PAK5: variants seen among roughly 807,000 people sequenced by gnomAD.
PAK5 encodes serine/threonine-protein kinase PAK 5.
A neutral mutation model predicts 65.9 loss-of-function variants in PAK5; 16 were observed. That is an observed-to-expected ratio of 0.24 (90% CI 0.16 to 0.37). The LOEUF is 0.37. PAK5 is among the 10% of genes least tolerant of loss of function. The pLI is 1.00. For missense variants in PAK5, 785 were observed against 903.9 expected (o/e 0.87, Z 1.69); for synonymous variants, 371 against 354.9 (o/e 1.05, Z -0.51).
chr20:9,755,845 C>T (rs742450), intron 1 of PAK5, among the ~76,000 whole-genome samples: 24,657 of 152,156 alleles, frequency 0.16, 2,249 homozygotes, highest in East Asian at 0.28. Flanking sequence ...CATATGGCAT[C>T]TGATTAAAGT....
chr20:9,726,611 T>C (rs1026336102), intron 1 of PAK5, among the ~76,000 whole-genome samples: 1 of 152,068 alleles, frequency 6.6e-6, no homozygotes, highest in African/African-American at 2.4e-5. Flanking sequence ...AATAGAACTT[T>C]GATTATATGG....
At chr20:9,626,707 C>T (rs1043463069) in intron 3 of PAK5, among the ~76,000 whole-genome samples, 4 of 152,026 alleles carry the variant, frequency 2.6e-5, no homozygotes, top group African/African-American at 9.7e-5. Flanking sequence ...TTTCAATTTA[C>T]ATGTATTTGT....
intron 3 of PAK5, among the ~76,000 whole-genome samples, chr20:9,631,084 G>T (rs191553555): frequency 1.3e-4 from 20 of 152,314 alleles, no homozygotes; most frequent in Admixed American, 2.6e-4. Context: ...AGATGATGCT[G>T]CAATGAGATG....
At chr20:9,750,521 G>T (rs1180087452) in intron 1 of PAK5, among the ~76,000 whole-genome samples, 2 of 152,068 alleles carry the variant, frequency 1.3e-5, no homozygotes, top group Non-Finnish European at 2.9e-5. Context: ...TCATTATATG[G>T]TACTCAAAAT....
At chr20:9,690,945 G>C (rs145031597) in intron 2 of PAK5, among the ~76,000 whole-genome samples, 312 of 151,606 alleles carry the variant, frequency 2.1e-3, no homozygotes, top group Non-Finnish European at 3.8e-3. Flanking sequence ...AATAGAGATG[G>C]GGTTTCACCA....
intron 1 of PAK5, among the ~76,000 whole-genome samples, chr20:9,720,907 C>G (rs963310146): frequency 2.0e-5 from 3 of 151,988 alleles, no homozygotes; most frequent in Non-Finnish European, 4.4e-5. Flanking sequence ...GGTAGATCCA[C>G]AGAGACAGAC....
chr20:9,633,420 T>C (rs2046946606), intron 3 of PAK5, among the ~76,000 whole-genome samples: 1 of 152,148 alleles, frequency 6.6e-6, no homozygotes. Context: ...ACTTAGAAAT[T>C]GGGTGAATTT....
chr20:9,687,440 C>T (rs554597026), intron 2 of PAK5, among the ~76,000 whole-genome samples: 10 of 152,236 alleles, frequency 6.6e-5, no homozygotes, highest in African/African-American at 2.4e-4. Context: ...TTTATTTTTA[C>T]TGGATTTTAT....
intron 3 of PAK5, among the ~76,000 whole-genome samples, chr20:9,616,538 G>C (rs2046659482): frequency 6.6e-6 from 1 of 152,162 alleles, no homozygotes; most frequent in Non-Finnish European, 1.5e-5. Context: ...ACATCCCCCG[G>C]GCATCTTGCG....
intron 2 of PAK5, among the ~76,000 whole-genome samples, chr20:9,649,152 C>T (rs2047172103): frequency 6.6e-6 from 1 of 152,144 alleles, no homozygotes; most frequent in East Asian, 1.9e-4. Context: ...TTATTAAACA[C>T]TTTATTATTT....
At chr20:9,551,912 A>G (rs751851275) in intron 7 of PAK5, among the ~76,000 whole-genome samples, 30 of 152,210 alleles carry the variant, frequency 2.0e-4, no homozygotes, top group Non-Finnish European at 4.1e-4. Context: ...CAGTGGCCAG[A>G]AAAAGAAGTC....
At chr20:9,632,570 T>G (rs1600171951) in intron 3 of PAK5, among the ~76,000 whole-genome samples, 1 of 152,192 alleles carries the variant, frequency 6.6e-6, no homozygotes, top group African/African-American at 2.4e-5. Flanking sequence ...GGAATCATAG[T>G]CAGGTAGGTA....
At chr20:9,723,476 C>T (rs1480327662) in intron 1 of PAK5, among the ~76,000 whole-genome samples, 2 of 152,100 alleles carry the variant, frequency 1.3e-5, no homozygotes, top group South Asian at 2.1e-4. Flanking sequence ...AAATAAAATA[C>T]GGCCTCAATT....
chr20:9,616,611 C>G (rs968078393), intron 3 of PAK5, among the ~76,000 whole-genome samples: 2 of 152,214 alleles, frequency 1.3e-5, no homozygotes, highest in Non-Finnish European at 2.9e-5. Flanking sequence ...AACAAGCTCC[C>G]AGGGGATGCT....
At chr20:9,794,985 C>G (rs2049089780) in intron 1 of PAK5, among the ~76,000 whole-genome samples, 1 of 152,074 alleles carries the variant, frequency 6.6e-6, no homozygotes. Context: ...TCAACACACA[C>G]TGCTTACAAC....
intron 2 of PAK5, among the ~76,000 whole-genome samples, chr20:9,674,122 A>T (rs1408657519): frequency 1.3e-5 from 2 of 152,222 alleles, no homozygotes; most frequent in African/African-American, 2.4e-5. Context: ...CCCAAAAGCC[A>T]GGAAGTCTAG....
chr20:9,691,810 A>G (rs188272962), intron 2 of PAK5, among the ~76,000 whole-genome samples: 246 of 152,268 alleles, frequency 1.6e-3, no homozygotes, highest in African/African-American at 5.7e-3. Flanking sequence ...AGAAAACCCC[A>G]TATTCAGTCT....
chr20:9,580,334 C>T lies in PAK5; in HGVS notation c.801G>A (p.Arg267=), dbSNP rs766429575. 6.2e-6 allele frequency: 10 copies of T among 1,613,976 alleles called. No homozygotes were observed. The highest frequency in any genetic ancestry group is 7.6e-6 in the Non-Finnish European group (9 of 1,180,024). Residue 267 remains arginine, a synonymous_variant, in exon 4 of 10, where the codon AGG becomes AGA. Coordinates refer to ENST00000353224, the MANE Select transcript of PAK5 (RefSeq NM_177990.4). The part of the protein sequence containing the change: ...WGPSLDDYDR[R]PKSSYLNQTS... ...TCTGATTCAGGTACGAAGACTTTGGCCTCCTGTCATAGTCATCCAGGCTGG... is the reference window on the plus strand; with the variant it reads ...TCTGATTCAGGTACGAAGACTTTGGTCTCCTGTCATAGTCATCCAGGCTGG...
At chr20:9,792,404 A>C (rs1358844596) in intron 1 of PAK5, among the ~76,000 whole-genome samples, 5 of 152,152 alleles carry the variant, frequency 3.3e-5, no homozygotes, top group Admixed American at 3.3e-4. Flanking sequence ...AGAAGTCATA[A>C]TCGTTCTACA....
Sources: allele counts gnomAD v4.1 joint callset (sites outside exome capture counted in the v4.1 genomes callset), GRCh38; gene constraint gnomAD v4.1.1; transcripts MANE v1.5; gene names NCBI Gene and HGNC (gene_info 2026-07-23, HGNC 2026-07-21).